The following AP1B1 variants were observed in gnomAD, a reference collection of about 807,000 sequenced individuals.
AP1B1 encodes the protein AP-1 complex subunit beta-1.
AP1B1 carries 36 observed loss-of-function variants against 104.3 expected under a neutral mutation model. The observed-to-expected ratio is 0.35, with a 90% CI of 0.26 to 0.46. The LOEUF (loss-of-function observed/expected upper bound fraction) is 0.46. Ranked by LOEUF, AP1B1 falls within the 20% of genes least tolerant of loss-of-function variation. The pLI is 1.00. For missense variants in AP1B1, 901 were observed against 1,247.9 expected, an observed-to-expected ratio of 0.72 and a Z score of 4.19; for synonymous variants, 504 against 517.5, an observed-to-expected ratio of 0.97 and a Z score of 0.35.
In AP1B1 at chr22:29,354,868, G is replaced by A; in HGVS notation, c.720C>T (p.Ile240=). 6.2e-7 allele frequency: 1 copy of A among 1,613,916 alleles called. No homozygotes were observed. Among genetic ancestry groups the A allele is most frequent in the Non-Finnish European group, 8.5e-7 (1 of 1,179,814 alleles). Residue 240 remains isoleucine, a synonymous_variant, in exon 7 of 23, where the codon ATC becomes ATT. Coordinates refer to ENST00000357586, the MANE Select transcript of AP1B1 (RefSeq NM_001127.4). The part of the protein sequence containing the change: ...MPKDDREAQS[I]CERVTPRLSH... ...AGAGCCTGGGGGTGACCCGCTCACA[G>A]ATGCTGGGGTCCGTCCATTCCAACG...
rs181369986 is a variant in AP1B1, at chr22:29,339,721, C to T, written c.2019+33G>A. ...CCAGCGCTTTCGGGAGGAGCAAGGACGAAGGCTTGGTGACGCAAGGGTTGA... is the reference window on the plus strand; with the variant it reads ...CCAGCGCTTTCGGGAGGAGCAAGGATGAAGGCTTGGTGACGCAAGGGTTGA... On this transcript the variant is annotated intron_variant, in intron 15 of 22. Transcript: ENST00000357586. The T allele has an allele frequency of 8.9e-5, 143 of 1,607,936 alleles. No homozygotes were observed. The African/African-American group carries it at 1.4e-3, about 16-fold the overall frequency.
chr22:29,380,640 C>T (rs1221307303), intron 1 of AP1B1, among the ~76,000 whole-genome samples: 6 of 152,132 alleles, frequency 3.9e-5, no homozygotes, highest in African/African-American at 9.7e-5. Flanking sequence ...TTAAATCTAT[C>T]GGCAAATCCT....
At position 29,341,600 on chromosome 22, in the gene AP1B1, T is replaced by G; in HGVS notation, c.1697A>C (p.Tyr566Ser). 6.2e-7 allele frequency: 1 copy of G among 1,614,242 alleles called. No individual in the cohort carries two copies. The highest frequency in any genetic ancestry group is 1.1e-5 in the South Asian group (1 of 91,086). Reference sequence around the variant, plus strand: ...GTAGACGGAAGCCAGCGTGCCGATGTAGCAGATAAGCTCGTCTAACAGTGT... The same window carrying G: ...GTAGACGGAAGCCAGCGTGCCGATGGAGCAGATAAGCTCGTCTAACAGTGT... Reference protein sequence around the residue: ...EPTLLDELICYIGTLASVYHK... With the variant: ...EPTLLDELICSIGTLASVYHK... Residue 566 changes from tyrosine (Y) to serine (S), a missense_variant, in exon 13 of 23, where the codon TAC (tyrosine) becomes TCC (serine). By Grantham distance (144) the Tyr-to-Ser change is moderately radical. Coordinates refer to ENST00000357586, the MANE Select transcript of AP1B1 (RefSeq NM_001127.4).
chr22:29,356,050 G>C (rs966131784), intron 6 of AP1B1, among the ~76,000 whole-genome samples: 11 of 152,202 alleles, frequency 7.2e-5, no homozygotes, highest in African/African-American at 2.7e-4. Context: ...GAAAGTGGGG[G>C]ATGATGATAA....
At chr22:29,346,432 GCTCCAC>G in intron 11 of AP1B1, among the ~76,000 whole-genome samples, 1 of 152,334 alleles carries the variant, frequency 6.6e-6, no homozygotes, top group East Asian at 1.9e-4. Flanking sequence ...GGATGAAACT[GCTCCAC>G]CTCAGATCAG....
intron 5 of AP1B1, among the ~76,000 whole-genome samples, chr22:29,357,923 T>C (rs1347318778): frequency 2.0e-5 from 3 of 151,984 alleles, no homozygotes; most frequent in East Asian, 3.9e-4. Context: ...CCTGACCTCG[T>C]AATCCACCCA....
intron 1 of AP1B1, among the ~76,000 whole-genome samples, chr22:29,374,743 C>T (rs750761052): frequency 1.3e-5 from 2 of 152,194 alleles, no homozygotes; most frequent in Non-Finnish European, 2.9e-5. Flanking sequence ...GGTCCTTACC[C>T]GTTGACCCAG....
At chr22:29,378,948 G>A (rs1448948457) in intron 1 of AP1B1, among the ~76,000 whole-genome samples, 1 of 151,716 alleles carries the variant, frequency 6.6e-6, no homozygotes, top group East Asian at 1.9e-4. Context: ...GCAGACAAAT[G>A]TCACATGCAA....
Position 29,342,501 on chromosome 22 carries a change from T to C in AP1B1, c.1438-118A>G, listed in dbSNP as rs184159981. ...AGTCCCTGGAAGCCAAGCATAGCTA[T>C]TCTAGGTTTGGGGCTGTCACGGCAC... is the stretch of plus-strand genomic sequence containing the variant. On this transcript the variant is annotated intron_variant, in intron 11 of 22. Transcript: ENST00000357586. 46 of 815,596 alleles carry C rather than the reference T, an allele frequency of 5.6e-5. No homozygotes were observed. The East Asian group carries it at 1.2e-3, about 20-fold the overall frequency. The allele number at this position is 815,596 out of a possible 1,614,324, so 50.5% of individuals were successfully genotyped here. A position where few individuals can be genotyped will look rare whatever the true frequency, so the allele number is the denominator to read the frequency against.
intron 1 of AP1B1, among the ~76,000 whole-genome samples, chr22:29,381,534 C>T (rs976810503): frequency 1.7e-4 from 26 of 152,158 alleles, no homozygotes; most frequent in African/African-American, 5.8e-4. Context: ...GTTCCATTCA[C>T]GGGGTTATCC....
chr22:29,386,194 G>A (rs535559052), intron 1 of AP1B1, among the ~76,000 whole-genome samples: 88 of 152,276 alleles, frequency 5.8e-4, no homozygotes, highest in African/African-American at 2.0e-3. Flanking sequence ...GTCAGAAAGG[G>A]TGGCCAGTAT....
chr22:29,339,512 G>T lies in AP1B1; in HGVS notation c.2019+242C>A, dbSNP rs116283882. The stretch of plus-strand genomic sequence containing the variant: ...GTGGGACTGAGGGCTGGCAATCCCC[G>T]CGATGACAAGGCGACGTGTCATGGG... On this transcript the variant is annotated intron_variant, in intron 15 of 22. Transcript: ENST00000357586. 7.4e-3 allele frequency among the ~76,000 whole-genome samples: 1,119 copies of T among 152,076 alleles called. 15 individuals are homozygous for T. The highest frequency in any genetic ancestry group is 0.025 in the African/African-American group (1,047 of 41,480).
At chr22:29,360,584 A>G (rs1468919068) in intron 3 of AP1B1, among the ~76,000 whole-genome samples, 1 of 152,180 alleles carries the variant, frequency 6.6e-6, no homozygotes, top group Non-Finnish European at 1.5e-5. Flanking sequence ...ACCATACACC[A>G]GGCTTGGTGC....
intron 11 of AP1B1, among the ~76,000 whole-genome samples, chr22:29,346,795 G>C (rs558341728): frequency 5.2e-4 from 65 of 125,446 alleles, no homozygotes; most frequent in Non-Finnish European, 7.2e-4. Flanking sequence ...AGGTGGCAGT[G>C]GGGGGGGGTG....
Position 29,330,508 on chromosome 22 carries a change from C to T in AP1B1, c.2636G>A (p.Ser879Asn). 6.2e-7 allele frequency: 1 copy of T among 1,611,238 alleles called. No homozygotes were observed. Among genetic ancestry groups the T allele is most frequent in the Middle Eastern group, 1.7e-4 (1 of 6,056 alleles). ...NAEAASSKLQSSNIFTVAKRN... is the reference protein window; with the variant it reads ...NAEAASSKLQNSNIFTVAKRN... ...CTTGGCGACAGTGAAGATGTTGCTG[C>T]TCTGCAGCTTGCTGCTCGCAGCCTC... The change falls in exon 21 of 23, where the codon AGC (serine) becomes AAC (asparagine). Residue 879 changes from serine (S) to asparagine (N), a missense_variant. Coordinates refer to ENST00000357586, the MANE Select transcript of AP1B1 (RefSeq NM_001127.4).
chr22:29,357,763 T>C (rs112959370), intron 5 of AP1B1, among the ~76,000 whole-genome samples: 11 of 143,518 alleles, frequency 7.7e-5, no homozygotes, highest in African/African-American at 1.1e-4. Flanking sequence ...CTTAGCTCAC[T>C]GCAACCTCCG....
At chr22:29,351,059 C>T in intron 9 of AP1B1, 112 bp downstream of exon 9, 1 of 1,032,924 alleles carries the variant, frequency 9.7e-7, no homozygotes. Context: ...TGATGAGCCT[C>T]AGGCCTTCCC....
chr22:29,329,356 T>G, intron 22 of AP1B1: 1 of 1,207,438 alleles, frequency 8.3e-7, no homozygotes, highest in Non-Finnish European at 1.0e-6. Flanking sequence ...CGGTAGAGAC[T>G]TTGCCTCCGC....
At position 29,358,774 on chromosome 22, in the gene AP1B1, C is replaced by T. The variant is rs540408269; in HGVS notation, c.477G>A (p.Gln159=). ...GGTCTTTAAGGGTGTCCAGGAAGCC[C>T]TGGTCCTCCACCAGCTGGGCGTTGA... ...HDINAQLVED[Q]GFLDTLKDLI... The change falls in exon 5 of 23, where the codon CAG becomes CAA. Residue 159 remains glutamine, a synonymous_variant. Transcript: ENST00000357586. 2 of 1,614,220 alleles carry T rather than the reference C, an allele frequency of 1.2e-6. No homozygotes were observed. Among genetic ancestry groups the T allele is most frequent in the Admixed American group, 3.3e-5 (2 of 60,022 alleles).
Sources: gnomAD v4.1 joint callset for allele counts (sites outside exome capture counted in the v4.1 genomes callset) on GRCh38, gnomAD v4.1.1 for gene constraint, MANE v1.5 for transcripts, NCBI Gene and HGNC (gene_info 2026-07-23, HGNC 2026-07-21) for gene names.